Variants in PLCG2 observed in about 807,000 individuals in gnomAD.
PLCG2 encodes the protein 1-phosphatidylinositol 4,5-bisphosphate phosphodiesterase gamma-2.
In PLCG2, 69 loss-of-function variants were observed where a neutral mutation model predicts 175.6. That is an observed-to-expected ratio of 0.39 (90% CI 0.32 to 0.48). PLCG2 has a LOEUF of 0.48. Ranked by LOEUF, PLCG2 falls within the 20% of genes least tolerant of loss-of-function variation. PLCG2 has a pLI of 0.91. For missense variants in PLCG2, 1,798 were observed against 1,650.9 expected (o/e 1.09, Z -1.54); for synonymous variants, 827 against 624.0 (o/e 1.33, Z -4.85).
At chr16:81,773,384 A>G (rs1279693955) in intron 2 of PLCG2, among the ~76,000 whole-genome samples, 1 of 152,182 alleles carries the variant, frequency 6.6e-6, no homozygotes, top group Non-Finnish European at 1.5e-5. Flanking sequence ...GAGACTCCAG[A>G]CATGAGAACG....
Position 81,746,627 on chromosome 16 carries a change from G to T in PLCG2, c.-145+7242G>T, listed in dbSNP as rs537675014. Among the ~76,000 whole-genome samples the T allele has an allele frequency of 9.2e-5, 14 of 152,338 alleles. No homozygotes were observed. In the East Asian group the frequency reaches 2.7e-3, roughly 29 times the overall value. Reference sequence around the variant, plus strand: ...ACACCCAAGGAGGCAGAGAATAAGAGCAATATACACTTCTGTGATGCCATT... The same window carrying T: ...ACACCCAAGGAGGCAGAGAATAAGATCAATATACACTTCTGTGATGCCATT... On this transcript the variant is annotated intron_variant, in intron 1 of 5. Transcript: ENST00000565054.
upstream of PLCG2, among the ~76,000 whole-genome samples, chr16:81,778,045 A>AACAAACAAAC (rs746647458): frequency 0.011 from 875 of 77,858 alleles, 22 homozygotes; most frequent in African/African-American, 0.036. Context: ...AAAAAAAACA[A>AACAAACAAAC]AAAAAAAAAC....
intron 2 of PLCG2, among the ~76,000 whole-genome samples, chr16:81,833,313 G>T (rs1241297247): frequency 6.6e-6 from 1 of 152,128 alleles, no homozygotes. Flanking sequence ...GAGGACTGGG[G>T]CCTTCTTTCG....
upstream of PLCG2, among the ~76,000 whole-genome samples, chr16:81,777,940 C>T: frequency 6.8e-6 from 1 of 148,020 alleles, no homozygotes. Flanking sequence ...TCGCTTAAAC[C>T]TGGGAGGTGG....
chr16:81,914,349 G>C (rs1238931624), intron 19 of PLCG2, among the ~76,000 whole-genome samples: 3 of 152,180 alleles, frequency 2.0e-5, no homozygotes, highest in Non-Finnish European at 2.9e-5. Context: ...CTGTACCTTG[G>C]GCTGCCAGGA....
intron 7 of PLCG2, among the ~76,000 whole-genome samples, chr16:81,879,306 C>T (rs1407075429): frequency 6.6e-6 from 1 of 152,206 alleles, no homozygotes. Flanking sequence ...CAAATAGCAA[C>T]ATGCCCTGTC....
chr16:81,803,633 T>TTCCCTCCCTCCCTTCC (rs1911853914), intron 2 of PLCG2, among the ~76,000 whole-genome samples: 1 of 88,572 alleles, frequency 1.1e-5, no homozygotes, highest in African/African-American at 3.8e-5. Context: ...TCTTTTCTTC[T>TTCCCTCCCTCCCTTCC]TCCCTCCCTC....
At chr16:81,841,559 A>G (rs567763860) in intron 2 of PLCG2, among the ~76,000 whole-genome samples, 4 of 152,212 alleles carry the variant, frequency 2.6e-5, no homozygotes, top group African/African-American at 4.8e-5. Flanking sequence ...TACTTTTTGC[A>G]AAGTTTTTTT....
chr16:81,768,798 C>T (rs1286019166), intron 2 of PLCG2, among the ~76,000 whole-genome samples: 2 of 152,066 alleles, frequency 1.3e-5, no homozygotes, highest in African/African-American at 4.8e-5. Flanking sequence ...AGCTCCTGAC[C>T]TCAGGTGATT....
intron 1 of PLCG2, among the ~76,000 whole-genome samples, chr16:81,752,233 C>A (rs1046571415): frequency 2.0e-5 from 3 of 151,996 alleles, no homozygotes; most frequent in African/African-American, 4.8e-5. Flanking sequence ...GAGGCCCTCA[C>A]AATTCTAGGG....
upstream of PLCG2, among the ~76,000 whole-genome samples, chr16:81,775,928 C>T (rs1177041672): frequency 6.6e-6 from 1 of 151,722 alleles, no homozygotes; most frequent in Admixed American, 6.6e-5. Context: ...GGCAGGTCAG[C>T]ATGCCCATGG....
At chr16:81,830,922 A>G (rs902440987) in intron 2 of PLCG2, among the ~76,000 whole-genome samples, 1 of 152,046 alleles carries the variant, frequency 6.6e-6, no homozygotes, top group Non-Finnish European at 1.5e-5. Flanking sequence ...ACTGCGGGTC[A>G]TGAGGGTTTC....
Position 81,938,802 on chromosome 16 carries a change from T to C in PLCG2, c.3200T>C (p.Val1067Ala). Reference sequence around the variant, plus strand: ...CAATGCTTCCCTTTGGTGTCCCAGGTTCTCGGTGCTCGCCATCTCCCCAAA... The same window carrying C: ...CAATGCTTCCCTTTGGTGTCCCAGGCTCTCGGTGCTCGCCATCTCCCCAAA... ...RKILMTLTVK[V>A]LGARHLPKLG... The change falls in exon 29 of 33, where the codon GTT (valine) becomes GCT (alanine). Residue 1067 changes from valine to alanine, a missense_variant and splice_region_variant. Val to Ala is a moderately conservative substitution (Grantham distance 64). Transcript: ENST00000564138. 6.2e-7 allele frequency: 1 copy of C among 1,603,050 alleles called. No individual in the cohort carries two copies. Among genetic ancestry groups the C allele is most frequent in the Non-Finnish European group, 8.5e-7 (1 of 1,171,990 alleles).
At chr16:81,828,087 T>C in intron 2 of PLCG2, among the ~76,000 whole-genome samples, 1 of 108,104 alleles carries the variant, frequency 9.3e-6, no homozygotes, top group African/African-American at 4.2e-5. Context: ...CAAAACTCCG[T>C]CTCAAAAAAA....
chr16:81,779,794 C>CAT (rs1910648059), intron 1 of PLCG2, among the ~76,000 whole-genome samples: 1 of 152,188 alleles, frequency 6.6e-6, no homozygotes, highest in African/African-American at 2.4e-5. Flanking sequence ...CTCTTGACGG[C>CAT]CCTTGTGCCC....
At position 81,745,594 on chromosome 16, in the gene PLCG2, A is replaced by G. The variant is rs111267376; in HGVS notation, c.-145+6209A>G. ...CTGCTCCCTATTATGGGCTGCATGT[A>G]GTTGGCTCCTGGGGATACAGAGATA... On this transcript the variant is annotated intron_variant, in intron 1 of 5. Coordinates refer to the PLCG2 transcript ENST00000565054. Among the ~76,000 whole-genome samples, 644 of 152,318 alleles carry G rather than the reference A, an allele frequency of 4.2e-3. 4 individuals carry two copies. The highest frequency in any genetic ancestry group is 0.015 in the African/African-American group (616 of 41,574).
chr16:81,784,748 T>G (rs986582448), intron 1 of PLCG2, among the ~76,000 whole-genome samples: 8 of 152,206 alleles, frequency 5.3e-5, no homozygotes, highest in African/African-American at 1.9e-4. Flanking sequence ...TGGATACTGT[T>G]ACCTTCTTTT....
At chr16:81,776,081 C>CAT (rs768932030), upstream of PLCG2, among the ~76,000 whole-genome samples, 64 of 110,688 alleles carry the variant, frequency 5.8e-4, 4 homozygotes, top group South Asian at 0.016. Flanking sequence ...CTTTCTCTCT[C>CAT]TCTCTCTCTT....
Position 81,960,372 on chromosome 16 carries a change from C to T in PLCG2, c.*2374C>T, listed in dbSNP as rs1280593393. The T allele has an allele frequency of 2.3e-5, 5 of 219,582 alleles. No individual in the cohort carries two copies. The East Asian group carries it at 2.7e-4, about 12-fold the overall frequency. The allele number at this position is 219,582 out of a possible 1,614,324, so 13.6% of individuals were successfully genotyped here. A position where few individuals can be genotyped will look rare whatever the true frequency, so the allele number is the denominator to read the frequency against. ...CAAGAAGACTAGTAACAGGCACATT[C>T]TGAAAGATGGAAGCAGCACTGATAG... On this transcript the variant is annotated 3_prime_UTR_variant, in exon 33 of 33. Coordinates refer to ENST00000564138, the MANE Select transcript of PLCG2 (RefSeq NM_002661.5).
Sources: gnomAD v4.1 joint callset for allele counts (sites outside exome capture counted in the v4.1 genomes callset) on GRCh38, gnomAD v4.1.1 for gene constraint, MANE v1.5 for transcripts, NCBI Gene and HGNC (gene_info 2026-07-23, HGNC 2026-07-21) for gene names.